The following SASH1 variants were observed in gnomAD, a reference collection of about 807,000 sequenced individuals.
SASH1 encodes the protein SAM and SH3 domain containing 1.
Under a neutral mutation model 125.2 loss-of-function variants are expected in SASH1, and 44 were observed. The ratio of observed to expected loss-of-function variants is 0.35; its 90% CI spans 0.28 to 0.45. The LOEUF (loss-of-function observed/expected upper bound fraction) is 0.45, where lower values mean the gene tolerates loss of function less well. Ranked by LOEUF, SASH1 falls within the 20% of genes least tolerant of loss-of-function variation. SASH1 has a pLI of 1.00. For missense variants in SASH1, 1,426 were observed against 1,614.5 expected (o/e 0.88, Z 2.00); for synonymous variants, 639 against 649.1 (o/e 0.98, Z 0.24).
At chr6:148,437,348 C>T (rs568890672) in intron 2 of SASH1, among the ~76,000 whole-genome samples, 39 of 152,176 alleles carry the variant, frequency 2.6e-4, no homozygotes, top group African/African-American at 7.2e-4. Context: ...CTCTTATCCT[C>T]GGGGGATAAA....
the SASH1 span, among the ~76,000 whole-genome samples, chr6:148,210,397 G>C: frequency 2.5e-4 from 38 of 152,202 alleles, no homozygotes; most frequent in Non-Finnish European, 1.0e-4. Context: ...GCCGGACATG[G>C]TGGCACATGC....
chr6:148,366,844 G>A (rs985574351), intron 1 of SASH1, among the ~76,000 whole-genome samples: 2 of 151,576 alleles, frequency 1.3e-5, no homozygotes, highest in African/African-American at 2.4e-5. Flanking sequence ...GATCCTGCCC[G>A]TCTGCCTCCC....
At chr6:148,210,926 T>C in the SASH1 span, among the ~76,000 whole-genome samples, 3 of 152,190 alleles carry the variant, frequency 2.0e-5, no homozygotes, top group African/African-American at 4.8e-5. Flanking sequence ...TGTTGCTCAG[T>C]GTATAAAATT....
Position 148,495,667 on chromosome 6 carries a change from G to A in SASH1, c.729+7952G>A, listed in dbSNP as rs1001097409. 5.3e-5 allele frequency among the ~76,000 whole-genome samples: 8 copies of A among 152,124 alleles called. No homozygotes were observed. The highest frequency in any genetic ancestry group is 1.9e-4 in the African/African-American group (8 of 41,434). ...TATTCCCAGCAATCTAAAAAAATGT[G>A]TACAATTTTTATAGTTTTGCTGACT... On this transcript the variant is annotated intron_variant, in intron 8 of 19. Transcript: ENST00000367467. This position sits in a 1 kb window ranked among gnomAD's most constrained non-coding sequence, Gnocchi z 4.0.
chr6:148,527,617 A>G, intron 12 of SASH1, 21 bp downstream of exon 12: 1 of 1,588,138 alleles, frequency 6.3e-7, no homozygotes, highest in Non-Finnish European at 8.5e-7. Context: ...ACCTGGTAGA[A>G]TGTTCCCTTG....
the SASH1 span, among the ~76,000 whole-genome samples, chr6:148,249,459 G>A: frequency 6.6e-6 from 1 of 152,200 alleles, no homozygotes; most frequent in African/African-American, 2.4e-5. Context: ...GTGTGATCAA[G>A]CCAGGTGTTC....
chr6:148,474,026 C>T (rs1778230239), intron 6 of SASH1, 84 bp from the exon 7 acceptor site: 5 of 858,998 alleles, frequency 5.8e-6, no homozygotes. Context: ...TCTTCTCTAG[C>T]CCGAGACAGC....
intron 1 of SASH1, among the ~76,000 whole-genome samples, chr6:148,381,617 C>CTTT (rs201145545): frequency 0.077 from 5,969 of 77,610 alleles, 1,108 homozygotes; most frequent in East Asian, 0.11. Context: ...TTCTTGCTTT[C>CTTT]TTTTTTTTTT....
At position 148,533,717 on chromosome 6, in the gene SASH1, T is replaced by C; in HGVS notation, c.1735-54T>C. On this transcript the variant is annotated intron_variant, in intron 14 of 19. Coordinates refer to ENST00000367467, the MANE Select transcript of SASH1 (RefSeq NM_015278.5). This position sits in a 1 kb window ranked among gnomAD's most constrained non-coding sequence, Gnocchi z 6.2. ...CCTGTGTATCTGACAGATTCTTGAT[T>C]TGTACGTTCATGGAATGTACCTAAT... 2.0e-6 allele frequency: 3 copies of C among 1,501,392 alleles called. No homozygotes were observed. Among genetic ancestry groups the C allele is most frequent in the Non-Finnish European group, 2.8e-6 (3 of 1,088,504 alleles). The allele number at this position is 1,501,392 out of a possible 1,614,324, so 93.0% of individuals were successfully genotyped here. A position where few individuals can be genotyped will look rare whatever the true frequency, so the allele number is the denominator to read the frequency against.
At chr6:148,207,007 G>C in the SASH1 span, among the ~76,000 whole-genome samples, 1 of 152,070 alleles carries the variant, frequency 6.6e-6, no homozygotes, top group Non-Finnish European at 1.5e-5. Context: ...TTTGCTCACT[G>C]TCTACCCACT....
the SASH1 span, among the ~76,000 whole-genome samples, chr6:148,230,375 A>C: frequency 6.6e-6 from 1 of 151,582 alleles, no homozygotes; most frequent in Non-Finnish European, 1.5e-5. Flanking sequence ...ATTGAGTTTC[A>C]CTATATAGCC....
intron 1 of SASH1, among the ~76,000 whole-genome samples, chr6:148,287,240 G>A (rs1779503301): frequency 6.6e-6 from 1 of 152,180 alleles, no homozygotes; most frequent in Non-Finnish European, 1.5e-5. Flanking sequence ...GTGCTGATGT[G>A]AGCCAATGTG....
intron 2 of SASH1, among the ~76,000 whole-genome samples, chr6:148,394,737 T>C (rs1321625946): frequency 1.3e-5 from 2 of 152,124 alleles, no homozygotes; most frequent in African/African-American, 4.8e-5. Flanking sequence ...TTCTGCCTCC[T>C]GGGTTCAAGC....
At chr6:148,335,300 G>GA (rs1233690813) in intron 1 of SASH1, among the ~76,000 whole-genome samples, 294 of 130,790 alleles carry the variant, frequency 2.2e-3, no homozygotes, top group South Asian at 3.7e-3. Context: ...TCTGTCTCAG[G>GA]AAAAAAAAAA....
intron 4 of SASH1, among the ~76,000 whole-genome samples, chr6:148,443,575 T>C (rs1776649364): frequency 1.9e-5 from 2 of 105,610 alleles, no homozygotes; most frequent in South Asian, 8.6e-4. Flanking sequence ...CATCAAACTT[T>C]TACCTGTTGG....
At chr6:148,467,589 A>G (rs1027993395) in intron 4 of SASH1, among the ~76,000 whole-genome samples, 1 of 152,156 alleles carries the variant, frequency 6.6e-6, no homozygotes. Context: ...ACACATGTTT[A>G]AAAACATTGG....
chr6:148,359,656 G>A (rs1384807691), intron 1 of SASH1, among the ~76,000 whole-genome samples: 1 of 152,168 alleles, frequency 6.6e-6, no homozygotes, highest in African/African-American at 2.4e-5. Context: ...TTTTGAAAGA[G>A]GTTCTGCTGT....
At chr6:148,387,023 C>T (rs1783395560) in intron 1 of SASH1, among the ~76,000 whole-genome samples, 1 of 134,618 alleles carries the variant, frequency 7.4e-6, no homozygotes, top group Non-Finnish European at 1.7e-5. Flanking sequence ...TGCTTGCTTT[C>T]TCTCTCTCTT....
chr6:148,533,670 TG>T lies in SASH1; in HGVS notation c.1735-99del. 1 of 1,127,644 alleles carries T rather than the reference TG, an allele frequency of 8.9e-7. No homozygotes were observed. Among genetic ancestry groups the T allele is most frequent in the Non-Finnish European group, 1.3e-6 (1 of 776,364 alleles). 69.9% of individuals were successfully genotyped at this position (1,127,644 alleles called of 1,614,324 possible). A position where few individuals can be genotyped will look rare whatever the true frequency, so the allele number is the denominator to read the frequency against. On this transcript the variant is annotated intron_variant, in intron 14 of 19. Coordinates refer to ENST00000367467, the MANE Select transcript of SASH1 (RefSeq NM_015278.5). This position sits in a 1 kb window ranked among gnomAD's most constrained non-coding sequence, Gnocchi z 6.2. ...TGTGGGACCCCGATTCTGGCCTTTG[TG>T]GCATCTTCACTTCTGCATGACCTGT...
Sources: gnomAD v4.1 joint callset for allele counts (sites outside exome capture counted in the v4.1 genomes callset) on GRCh38, gnomAD v4.1.1 for gene constraint, Gnocchi (gnomAD v3.1) non-coding constraint, MANE v1.5 for transcripts, NCBI Gene and HGNC (gene_info 2026-07-23, HGNC 2026-07-21) for gene names.